UGGT1: variants seen among roughly 807,000 people sequenced by gnomAD.
UGGT1 encodes UDP-glucose glycoprotein glucosyltransferase 1.
In UGGT1, 107 loss-of-function variants were observed where a neutral mutation model predicts 203.9. The observed-to-expected ratio is 0.52, with a 90% CI of 0.45 to 0.62. The LOEUF is 0.62. UGGT1 is among the 20% of genes least tolerant of loss of function. UGGT1 has a pLI of 0.00. For missense variants in UGGT1, 1,673 were observed against 1,867.2 expected (o/e 0.90, Z 1.92); for synonymous variants, 628 against 653.5 (o/e 0.96, Z 0.59).
chr2:128,151,197 CT>C, intron 18 of UGGT1: 1 of 541,756 alleles, frequency 1.8e-6, no homozygotes, highest in Non-Finnish European at 3.5e-6. Flanking sequence ...TCCCCATAGC[CT>C]TCTATTTTAG....
At chr2:128,170,992 T>C (rs918417287) in intron 27 of UGGT1, among the ~76,000 whole-genome samples, 23 of 152,212 alleles carry the variant, frequency 1.5e-4, no homozygotes, top group Non-Finnish European at 3.1e-4. Context: ...AGCAGTGAGC[T>C]GCAGCAGCCT....
intron 29 of UGGT1, among the ~76,000 whole-genome samples, chr2:128,173,224 C>T (rs1691204783): frequency 6.6e-6 from 1 of 152,214 alleles, no homozygotes; most frequent in Non-Finnish European, 1.5e-5. Flanking sequence ...CTCTTTTTAA[C>T]TTGCCAGATA....
At chr2:128,099,485 A>C (rs1459476464) in intron 2 of UGGT1, among the ~76,000 whole-genome samples, 4 of 152,130 alleles carry the variant, frequency 2.6e-5, no homozygotes, top group African/African-American at 9.7e-5. Context: ...TAATTCCTAG[A>C]AAAATGTGGA....
intron 5 of UGGT1, 97 bp downstream of exon 5, chr2:128,109,843 AG>A: frequency 1.0e-6 from 1 of 986,558 alleles, no homozygotes; most frequent in Non-Finnish European, 1.6e-6. Context: ...TTGTATCATT[AG>A]GTGTAATGGT....
At chr2:128,146,263 A>AT (rs1435151928) in intron 18 of UGGT1, among the ~76,000 whole-genome samples, 1 of 152,122 alleles carries the variant, frequency 6.6e-6, no homozygotes, top group East Asian at 1.9e-4. Flanking sequence ...GTGAGCTGTG[A>AT]TTACCCCACT....
rs1211746335 is a variant in UGGT1 at position 128,179,773 on chromosome 2, T to C, written c.3816-13T>C. The C allele has an allele frequency of 6.2e-7, 1 of 1,607,676 alleles. No individual in the cohort carries two copies. Among genetic ancestry groups the C allele is most frequent in the South Asian group, 1.1e-5 (1 of 89,536 alleles). The stretch of plus-strand genomic sequence containing the variant: ...TGGAAAGCTGTTATTAATTACCTGC[T>C]TTTGTTTGGCAGCATAATGATGCTA... On this transcript the variant is annotated splice_polypyrimidine_tract_variant and intron_variant, in intron 34 of 40. Coordinates refer to ENST00000259253, the MANE Select transcript of UGGT1 (RefSeq NM_020120.4).
intron 18 of UGGT1, among the ~76,000 whole-genome samples, chr2:128,151,678 C>T (rs1418934635): frequency 2.6e-5 from 4 of 152,080 alleles, no homozygotes; most frequent in Admixed American, 6.5e-5. Flanking sequence ...TTGAGACTAG[C>T]CTGGGCAATG....
At chr2:128,160,722 A>G (rs1011567107) in intron 24 of UGGT1, 131 bp downstream of exon 24, 9 of 1,321,578 alleles carry the variant, frequency 6.8e-6, no homozygotes, top group Non-Finnish European at 9.1e-6. Context: ...ATGAAGTGCC[A>G]TTGATGTTTC....
intron 21 of UGGT1, among the ~76,000 whole-genome samples, chr2:128,157,017 A>G (rs1022671834): frequency 1.3e-5 from 2 of 152,246 alleles, no homozygotes; most frequent in Non-Finnish European, 2.9e-5. Context: ...CCAGTGCATT[A>G]ATCAGTAGAA....
rs143966483 is a variant in UGGT1 at position 128,143,096 on chromosome 2, C to T, written c.1722C>T (p.Ile574=). The T allele has an allele frequency of 2.5e-6, 4 of 1,593,428 alleles. No homozygotes were observed. The Admixed American group carries it at 7.0e-5, about 28-fold the overall frequency. Residue 574 remains isoleucine (I), a splice_region_variant and synonymous_variant, in exon 17 of 41, where the codon ATC becomes ATT. Coordinates refer to ENST00000259253, the MANE Select transcript of UGGT1 (RefSeq NM_020120.4). The part of the protein sequence containing the change: ...DYHAFQTLTH[I]YNKVRTGEKV... ...CCAACTGTTTTTTCTTTCTTCAGAT[C>T]TATAACAAGGTGAGGACTGGAGAAA...
At chr2:128,098,492 T>A (rs1687214527) in intron 2 of UGGT1, among the ~76,000 whole-genome samples, 1 of 152,194 alleles carries the variant, frequency 6.6e-6, no homozygotes, top group African/African-American at 2.4e-5. Flanking sequence ...CGGTGGCTCA[T>A]GCCTGTAAAT....
chr2:128,156,301 T>TAC, intron 20 of UGGT1, 91 bp from the exon 21 acceptor site: 14 of 962,370 alleles, frequency 1.5e-5, no homozygotes, highest in Non-Finnish European at 2.4e-5. Context: ...TAGACCGTGT[T>TAC]AGCCATTGTT....
Position 128,191,009 on chromosome 2 carries a change from A to G in UGGT1, c.*1267A>G, listed in dbSNP as rs886197933. On this transcript the variant is annotated 3_prime_UTR_variant, in exon 41 of 41. Coordinates refer to ENST00000259253, the MANE Select transcript of UGGT1 (RefSeq NM_020120.4). ...CATACTTTGCTGGTGAACGGGCTGT[A>G]GAGTCTTGAGTATGTTATTGGCCTA... The G allele has an allele frequency of 4.6e-5, 7 of 152,274 alleles. No homozygotes were observed. Among genetic ancestry groups the G allele is most frequent in the Admixed American group, 1.3e-4 (2 of 15,286 alleles). The allele number at this position is 152,274 out of a possible 1,614,324, so 9.4% of individuals were successfully genotyped here.
At chr2:128,181,905 T>A (rs1691707856) in intron 36 of UGGT1, among the ~76,000 whole-genome samples, 1 of 152,230 alleles carries the variant, frequency 6.6e-6, no homozygotes, top group African/African-American at 2.4e-5. Flanking sequence ...AGTTGAAATT[T>A]GTTTTATTCC....
chr2:128,113,021 TG>T, intron 5 of UGGT1, 62 bp from the exon 6 acceptor site: 1 of 1,364,358 alleles, frequency 7.3e-7, no homozygotes, highest in Non-Finnish European at 9.8e-7. Flanking sequence ...CTTTATATTT[TG>T]TGACATTTTT....
intron 8 of UGGT1, among the ~76,000 whole-genome samples, chr2:128,117,477 G>A (rs1048490041): frequency 6.6e-6 from 1 of 151,894 alleles, no homozygotes; most frequent in African/African-American, 2.4e-5. Context: ...TTTAATGAAA[G>A]CATCATCATA....
intron 2 of UGGT1, among the ~76,000 whole-genome samples, chr2:128,101,937 T>C (rs1687392145): frequency 1.3e-5 from 2 of 152,204 alleles, no homozygotes; most frequent in Admixed American, 1.3e-4. Context: ...TTTTTTTGTG[T>C]TGTAGATTAA....
intron 35 of UGGT1, 86 bp from the exon 36 acceptor site, chr2:128,180,804 C>A: frequency 7.4e-7 from 1 of 1,354,298 alleles, no homozygotes; most frequent in Non-Finnish European, 1.0e-6. Context: ...TTATTTGTCC[C>A]GTATCATGGT....
At chr2:128,121,723 A>G (rs2105393083) in intron 10 of UGGT1, among the ~76,000 whole-genome samples, 1 of 152,240 alleles carries the variant, frequency 6.6e-6, no homozygotes, top group Middle Eastern at 3.4e-3. Context: ...AAGATTCTTT[A>G]TGACCACCAC....
Sources: allele counts gnomAD v4.1 joint callset (sites outside exome capture counted in the v4.1 genomes callset), GRCh38; gene constraint gnomAD v4.1.1; transcripts MANE v1.5; gene names NCBI Gene and HGNC (gene_info 2026-07-23, HGNC 2026-07-21).